The following CFAP47 variants were observed in gnomAD, a reference collection of about 807,000 sequenced individuals.
CFAP47 encodes cilia and flagella associated protein 47.
CFAP47 carries 29 observed loss-of-function variants against 148.1 expected under a neutral mutation model. The ratio of observed to expected loss-of-function variants is 0.20; its 90% CI spans 0.15 to 0.27. The LOEUF is 0.27. CFAP47 is among the 10% of genes least tolerant of loss of function. The pLI, the probability that CFAP47 is intolerant of heterozygous loss-of-function variation, is 1.00. For synonymous variants in CFAP47, 664 were observed against 577.3 expected (o/e 1.15, Z -2.15); for missense variants, 1,872 against 1,697.5 (o/e 1.10, Z -1.81).
chrX:36,230,269 C>T (rs1940329482), intron 46 of CFAP47, among the ~76,000 whole-genome samples: 1 of 105,069 alleles, frequency 9.5e-6, no homozygotes, highest in Non-Finnish European at 1.9e-5. Context: ...CTCTCCAGCA[C>T]CTGTTGTTTC....
At position 36,300,478 on chromosome X, in the gene CFAP47, C is replaced by T. The variant is rs1002989534; in HGVS notation, c.7863-594C>T. On this transcript the variant is annotated intron_variant, in intron 52 of 63. Transcript: ENST00000378653. ...CTAATTTTCTGTGTTTTAATGGAGA[C>T]GGGGGTTCCACCATATTGGCCAGGC... Among the ~76,000 whole-genome samples the T allele has an allele frequency of 2.7e-5, 3 of 110,408 alleles. No homozygotes were observed. In the Admixed American group the frequency reaches 2.9e-4, roughly 11 times the overall value.
intron 57 of CFAP47, among the ~76,000 whole-genome samples, chrX:36,330,787 C>G (rs904623954): frequency 8.9e-6 from 1 of 111,775 alleles, no homozygotes; most frequent in South Asian, 3.7e-4. Flanking sequence ...GTTACTAAGA[C>G]TAAATTGTCT....
chrX:36,367,235 C>T (rs922792998), intron 62 of CFAP47, 108 bp downstream of exon 62: 24 of 519,039 alleles, frequency 4.6e-5, no homozygotes, highest in East Asian at 4.4e-4. Context: ...GTTAAGCCAG[C>T]GCAACATTGG....
At chrX:36,026,293 G>A (rs1043936087) in intron 22 of CFAP47, among the ~76,000 whole-genome samples, 11 of 111,393 alleles carry the variant, frequency 9.9e-5, no homozygotes, top group African/African-American at 2.0e-4. Context: ...TAACAGGTGC[G>A]TTTTTAAATT....
chrX:36,085,840 G>A (rs1938077758), intron 30 of CFAP47, among the ~76,000 whole-genome samples: 1 of 110,100 alleles, frequency 9.1e-6, no homozygotes, highest in African/African-American at 3.3e-5. Context: ...ATCACTGAGA[G>A]GGTCTGTTAA....
In CFAP47 at chrX:36,201,270, C is replaced by T. The variant is rs1939976966; in HGVS notation, c.6437-4C>T. 3.4e-6 allele frequency: 1 copy of T among 296,939 alleles called. No individual in the cohort carries two copies. The highest frequency in any genetic ancestry group is 4.8e-5 in the East Asian group (1 of 21,033). 24.5% of individuals were successfully genotyped at this position (296,939 alleles called of 1,213,427 possible). A position where few individuals can be genotyped will look rare whatever the true frequency, so the allele number is the denominator to read the frequency against. On this transcript the variant is annotated splice_region_variant and splice_polypyrimidine_tract_variant and intron_variant, in intron 43 of 63. Transcript: ENST00000378653. ...ATTCATTAATATTTTTTTTCTTCCT[C>T]CAGGGCCTAATAAGAAATACCCAGT...
Position 36,236,782 on chromosome X carries a change from G to A in CFAP47, c.7255G>A (p.Val2419Met). Residue 2419 changes from valine (V) to methionine (M), a missense_variant, in exon 48 of 64, where the codon GTG becomes ATG. Physicochemically the swap from Val to Met is conservative, Grantham distance 21. Transcript: ENST00000378653. ...KKPSALEHITVECQVGNVTQK... is the reference protein window; with the variant it reads ...KKPSALEHITMECQVGNVTQK... ...ACCTTCGGCCTTGGAACACATCACTGTGGAATGTCAAGTGGGGAATGTGAC... is the reference window on the plus strand; with the variant it reads ...ACCTTCGGCCTTGGAACACATCACTATGGAATGTCAAGTGGGGAATGTGAC... 1 of 522,539 alleles carries A rather than the reference G, an allele frequency of 1.9e-6. No individual in the cohort carries two copies. 43.1% of individuals were successfully genotyped at this position (522,539 alleles called of 1,213,427 possible). A position where few individuals can be genotyped will look rare whatever the true frequency, so the allele number is the denominator to read the frequency against.
intron 55 of CFAP47, among the ~76,000 whole-genome samples, chrX:36,310,088 T>C (rs1323153589): frequency 9.5e-6 from 1 of 105,145 alleles, no homozygotes; most frequent in Non-Finnish European, 2.0e-5. Context: ...AAGTAGGACA[T>C]TGTTTGTGAT....
chrX:36,177,733 G>A (rs1445894494), intron 39 of CFAP47, among the ~76,000 whole-genome samples: 1 of 112,220 alleles, frequency 8.9e-6, no homozygotes, highest in East Asian at 2.8e-4. Flanking sequence ...TACAGAATCT[G>A]ATGTTGGCAT....
At chrX:35,976,705 A>G (rs1220192901) in intron 15 of CFAP47, among the ~76,000 whole-genome samples, 1 of 111,094 alleles carries the variant, frequency 9.0e-6, no homozygotes, top group Non-Finnish European at 1.9e-5. Context: ...TCAGAATGAC[A>G]TATTTTTCTA....
At chrX:36,065,133 G>T (rs947801641) in intron 26 of CFAP47, among the ~76,000 whole-genome samples, 1 of 111,712 alleles carries the variant, frequency 9.0e-6, no homozygotes. Context: ...AAAAAATAAT[G>T]ACTGTATTTA....
chrX:36,023,001 C>T (rs897917881), intron 22 of CFAP47, among the ~76,000 whole-genome samples: 2 of 111,911 alleles, frequency 1.8e-5, no homozygotes, highest in South Asian at 3.7e-4. Context: ...GCCATGTTTT[C>T]CTGGGTGGTC....
chrX:36,355,964 G>T (rs966627464), intron 60 of CFAP47, among the ~76,000 whole-genome samples: 2 of 111,256 alleles, frequency 1.8e-5, no homozygotes, highest in African/African-American at 6.5e-5. Flanking sequence ...CTCTTGTCAG[G>T]TTGTAAACTA....
chrX:36,150,630 G>A lies in CFAP47; in HGVS notation c.5786+1407G>A, dbSNP rs758067379. Among the ~76,000 whole-genome samples the A allele has an allele frequency of 7.2e-5, 8 of 111,006 alleles. No individual in the cohort carries two copies. The East Asian group carries it at 2.0e-3, about 28-fold the overall frequency. ...CAAACACAGAAATAATAATAAAAAAGGGCCATTTTAAATTGTACCTAAAAT... is the reference window on the plus strand; with the variant it reads ...CAAACACAGAAATAATAATAAAAAAAGGCCATTTTAAATTGTACCTAAAAT... On this transcript the variant is annotated intron_variant, in intron 37 of 63. Transcript: ENST00000378653.
intron 25 of CFAP47, among the ~76,000 whole-genome samples, chrX:36,043,324 CAA>C (rs1324672751): frequency 1.8e-5 from 2 of 112,223 alleles, no homozygotes; most frequent in Non-Finnish European, 3.8e-5. Context: ...GACAGTCTCC[CAA>C]AGTCTTAACT....
intron 46 of CFAP47, among the ~76,000 whole-genome samples, chrX:36,233,721 A>C (rs1284710633): frequency 9.0e-6 from 1 of 111,436 alleles, no homozygotes; most frequent in African/African-American, 3.3e-5. Context: ...GACGGTCTTT[A>C]CAATTTGGCA....
At chrX:36,052,295 G>A (rs913705747) in intron 26 of CFAP47, among the ~76,000 whole-genome samples, 1 of 111,881 alleles carries the variant, frequency 8.9e-6, no homozygotes, top group African/African-American at 3.2e-5. Flanking sequence ...TAGAATGATT[G>A]ACCTTTTCTT....
At chrX:36,112,332 T>G (rs1173055640) in intron 33 of CFAP47, among the ~76,000 whole-genome samples, 1 of 112,047 alleles carries the variant, frequency 8.9e-6, no homozygotes, top group Non-Finnish European at 1.9e-5. Context: ...AAAGGACTTC[T>G]TGATTTCTGC....
chrX:36,085,169 G>A, intron 29 of CFAP47, 145 bp from the exon 30 acceptor site: 1 of 379,612 alleles, frequency 2.6e-6, no homozygotes, highest in Non-Finnish European at 4.6e-6. Flanking sequence ...ACCAACAAAT[G>A]GTAGCCTAGT....
Sources: gnomAD v4.1 joint callset for allele counts (sites outside exome capture counted in the v4.1 genomes callset) on GRCh38, gnomAD v4.1.1 for gene constraint, MANE v1.5 for transcripts, NCBI Gene and HGNC (gene_info 2026-07-23, HGNC 2026-07-21) for gene names.